Variants in ZFHX3 observed in about 807,000 individuals in gnomAD.
ZFHX3 encodes the protein zinc finger homeobox protein 3.
In ZFHX3, 42 loss-of-function variants were observed where a neutral mutation model predicts 279.1. That is an observed-to-expected ratio of 0.15 (90% CI 0.12 to 0.19). The LOEUF (loss-of-function observed/expected upper bound fraction) is 0.19. Among genes scored for constraint, ZFHX3 ranks in the 10% least tolerant of loss-of-function variants. The pLI, the probability that ZFHX3 is intolerant of heterozygous loss-of-function variation, is 1.00. For synonymous variants in ZFHX3, 2,293 were observed against 1,957.8 expected (o/e 1.17, Z -4.52); for missense variants, 4,981 against 4,754.0 (o/e 1.05, Z -1.40).
chr16:73,731,684 T>C (rs965916908), intron 1 of ZFHX3, among the ~76,000 whole-genome samples: 4 of 152,136 alleles, frequency 2.6e-5, no homozygotes, highest in Non-Finnish European at 5.9e-5. Flanking sequence ...AAGAAAAGTT[T>C]CTGAAATAAG....
chr16:73,065,604 T>TGC (rs1316405866), intron 8 of ZFHX3, among the ~76,000 whole-genome samples: 1 of 145,740 alleles, frequency 6.9e-6, no homozygotes, highest in African/African-American at 2.5e-5. Context: ...TGTGTGTGTG[T>TGC]GTGCGTGTGT....
chr16:73,164,957 A>G (rs767387008), intron 5 of ZFHX3, among the ~76,000 whole-genome samples: 4 of 152,234 alleles, frequency 2.6e-5, no homozygotes, highest in African/African-American at 7.2e-5. Flanking sequence ...CAGAACTTGC[A>G]TCCTTATTTA....
At chr16:73,403,710 C>T (rs1048666183) in intron 3 of ZFHX3, among the ~76,000 whole-genome samples, 4 of 152,172 alleles carry the variant, frequency 2.6e-5, no homozygotes, top group South Asian at 2.1e-4. Flanking sequence ...TGGCCGGTGG[C>T]GAACACATCC....
At chr16:73,846,961 T>C (rs1961465067) in intron 1 of ZFHX3, among the ~76,000 whole-genome samples, 1 of 152,154 alleles carries the variant, frequency 6.6e-6, no homozygotes, top group African/African-American at 2.4e-5. Flanking sequence ...TTATATATTG[T>C]AGGTCACAGT....
chr16:73,264,789 C>T (rs1317403827), intron 4 of ZFHX3, among the ~76,000 whole-genome samples: 2 of 152,044 alleles, frequency 1.3e-5, no homozygotes, highest in Non-Finnish European at 2.9e-5. Context: ...TATGCCTTTG[C>T]ATCCTCAGAG....
chr16:73,248,437 T>C (rs1415184544), intron 5 of ZFHX3, among the ~76,000 whole-genome samples: 1 of 151,884 alleles, frequency 6.6e-6, no homozygotes, highest in Non-Finnish European at 1.5e-5. Context: ...TTTGTGTCTA[T>C]GTGCCTGTAT....
intron 4 of ZFHX3, among the ~76,000 whole-genome samples, chr16:72,870,960 G>T (rs2038146748): frequency 6.6e-6 from 1 of 152,090 alleles, no homozygotes; most frequent in Non-Finnish European, 1.5e-5. Context: ...CACCATGTGT[G>T]AAATTTACTC....
intron 4 of ZFHX3, among the ~76,000 whole-genome samples, chr16:72,843,422 A>G (rs1012454486): frequency 2.0e-5 from 3 of 150,768 alleles, no homozygotes; most frequent in Non-Finnish European, 4.4e-5. Context: ...GAGGCAGGAG[A>G]ATGGCGTGAA....
intron 3 of ZFHX3, among the ~76,000 whole-genome samples, chr16:73,403,761 G>T (rs906150274): frequency 6.6e-6 from 1 of 152,210 alleles, no homozygotes; most frequent in Non-Finnish European, 1.5e-5. Flanking sequence ...GGGACAGTGA[G>T]CAGTGTTTGT....
intron 2 of ZFHX3, among the ~76,000 whole-genome samples, chr16:73,477,925 T>C (rs936866708): frequency 3.9e-5 from 6 of 152,208 alleles, no homozygotes. Context: ...CAGCTCTCTC[T>C]ACCTACCCCT....
At chr16:73,332,257 T>A (rs1054837105) in intron 3 of ZFHX3, among the ~76,000 whole-genome samples, 1 of 152,174 alleles carries the variant, frequency 6.6e-6, no homozygotes, top group East Asian at 1.9e-4. Flanking sequence ...AAACAGAGAT[T>A]ACACACTGGG....
chr16:73,806,603 G>C (rs1426013406), intron 1 of ZFHX3, among the ~76,000 whole-genome samples: 1 of 152,138 alleles, frequency 6.6e-6, no homozygotes, highest in African/African-American at 2.4e-5. Context: ...GGTTGGTGGG[G>C]GGGGTCAAGT....
intron 5 of ZFHX3, among the ~76,000 whole-genome samples, chr16:72,828,273 AATC>A (rs2036981333): frequency 6.6e-6 from 1 of 152,184 alleles, no homozygotes; most frequent in African/African-American, 2.4e-5. Flanking sequence ...GACCAAATAA[AATC>A]ATTTTTGTTG....
intron 2 of ZFHX3, among the ~76,000 whole-genome samples, chr16:73,630,953 A>C (rs2052462609): frequency 6.6e-6 from 1 of 152,248 alleles, no homozygotes; most frequent in African/African-American, 2.4e-5. Flanking sequence ...TAACTCGGTA[A>C]TAAGAGCCTG....
At chr16:72,800,306 G>A (rs751552627) in intron 7 of ZFHX3, among the ~76,000 whole-genome samples, 177 bp from the exon 8 acceptor site, 1 of 152,224 alleles carries the variant, frequency 6.6e-6, no homozygotes, top group Non-Finnish European at 1.5e-5. Context: ...TCAGTCAAAA[G>A]TGTTTCTACG....
intron 2 of ZFHX3, among the ~76,000 whole-genome samples, chr16:73,502,984 C>T (rs552386049): frequency 6.6e-6 from 1 of 152,350 alleles, no homozygotes; most frequent in South Asian, 2.1e-4. Flanking sequence ...GGTGCATCCA[C>T]TGGTGTGCCA....
chr16:72,889,242 C>A (rs745430729), intron 4 of ZFHX3, among the ~76,000 whole-genome samples: 2 of 152,102 alleles, frequency 1.3e-5, no homozygotes, highest in African/African-American at 2.4e-5. Flanking sequence ...TTATTTTATT[C>A]CTCTCTAAAG....
At chr16:73,182,361 G>T (rs1301838724) in intron 5 of ZFHX3, among the ~76,000 whole-genome samples, 1 of 152,132 alleles carries the variant, frequency 6.6e-6, no homozygotes, top group Non-Finnish European at 1.5e-5. Flanking sequence ...GGAGGCTGAG[G>T]CATGAGAATC....
At chr16:72,924,856 G>T (rs1356159848) in intron 3 of ZFHX3, among the ~76,000 whole-genome samples, 1 of 152,074 alleles carries the variant, frequency 6.6e-6, no homozygotes, top group African/African-American at 2.4e-5. Context: ...TAACCTCCTG[G>T]GTTTTCTTCC....
Sources: allele counts gnomAD v4.1 joint callset (sites outside exome capture counted in the v4.1 genomes callset), GRCh38; gene constraint gnomAD v4.1.1; transcripts MANE v1.5; gene names NCBI Gene and HGNC (gene_info 2026-07-23, HGNC 2026-07-21).